The following CTNND2 variants were observed in gnomAD, a reference collection of about 807,000 sequenced individuals.
CTNND2 encodes catenin delta 2.
In CTNND2, 22 loss-of-function variants were observed where a neutral mutation model predicts 144.4. The ratio of observed to expected loss-of-function variants is 0.15; its 90% CI spans 0.11 to 0.22. The LOEUF (loss-of-function observed/expected upper bound fraction) is 0.22. Ranked by LOEUF, CTNND2 falls within the 10% of genes least tolerant of loss-of-function variation. CTNND2 has a pLI of 1.00. For synonymous variants in CTNND2, 751 were observed against 695.6 expected (o/e 1.08, Z -1.25); for missense variants, 1,353 against 1,618.8 (o/e 0.84, Z 2.82).
At chr5:11,676,052 C>T (rs1468666539) in intron 2 of CTNND2, among the ~76,000 whole-genome samples, 2 of 151,450 alleles carry the variant, frequency 1.3e-5, no homozygotes, top group South Asian at 2.1e-4. Flanking sequence ...CTGGGAGACA[C>T]CTCCCAGTAG....
At chr5:11,177,410 C>A (rs2149794411) in intron 11 of CTNND2, among the ~76,000 whole-genome samples, 1 of 152,130 alleles carries the variant, frequency 6.6e-6, no homozygotes, top group South Asian at 2.1e-4. Flanking sequence ...AGTCAGGACA[C>A]CCATTGTTCT....
intron 1 of CTNND2, among the ~76,000 whole-genome samples, chr5:11,878,521 A>G (rs1236650470): frequency 6.6e-6 from 1 of 152,204 alleles, no homozygotes; most frequent in Non-Finnish European, 1.5e-5. Context: ...GCAGTGTTCT[A>G]TACCCCAGAT....
At chr5:10,977,104 A>AT (rs1215776738) in intron 21 of CTNND2, among the ~76,000 whole-genome samples, 1 of 152,186 alleles carries the variant, frequency 6.6e-6, no homozygotes, top group African/African-American at 2.4e-5. Flanking sequence ...AGGTAAAAAA[A>AT]ATGGGACAGG....
chr5:11,242,315 G>A (rs1742535684), intron 9 of CTNND2, among the ~76,000 whole-genome samples: 2 of 152,086 alleles, frequency 1.3e-5, no homozygotes, highest in Admixed American at 1.3e-4. Flanking sequence ...GCAACTTAAG[G>A]TGTTATTGAA....
intron 9 of CTNND2, among the ~76,000 whole-genome samples, chr5:11,249,344 A>G (rs2149927712): frequency 1.3e-5 from 2 of 152,326 alleles, no homozygotes; most frequent in South Asian, 4.1e-4. Context: ...ACCATGGGAA[A>G]CCATGGGACA....
Position 11,866,299 on chromosome 5 carries a change from T to C in CTNND2, c.37+37518A>G, listed in dbSNP as rs955866016. ...GCCAGGATGATAACGCCAGACGTTG[T>C]CTCTAAAAAAACCTTTAAGAAAATG... is the stretch of plus-strand genomic sequence containing the variant. On this transcript the variant is annotated intron_variant, in intron 1 of 21. Coordinates refer to ENST00000304623, the MANE Select transcript of CTNND2 (RefSeq NM_001332.4). 2.6e-4 allele frequency among the ~76,000 whole-genome samples: 40 copies of C among 152,284 alleles called. No individual in the cohort carries two copies. The Middle Eastern group carries it at 0.01, about 39-fold the overall frequency.
intron 9 of CTNND2, among the ~76,000 whole-genome samples, chr5:11,337,963 T>C (rs901887661): frequency 1.3e-5 from 2 of 152,190 alleles, no homozygotes; most frequent in Non-Finnish European, 2.9e-5. Flanking sequence ...GGGGATATAG[T>C]GGACTTCAGG....
rs576784772 is a variant in CTNND2 at position 11,572,892 on chromosome 5, T to A, written c.175-7836A>T. On this transcript the variant is annotated intron_variant, in intron 2 of 21. Coordinates refer to ENST00000304623, the MANE Select transcript of CTNND2 (RefSeq NM_001332.4). ...TGGAGTCTGACTTAGTGACAATGTTTGCAATAATAGAGCAAAATAACCACT... is the reference window on the plus strand; with the variant it reads ...TGGAGTCTGACTTAGTGACAATGTTAGCAATAATAGAGCAAAATAACCACT... Among the ~76,000 whole-genome samples, 21 of 152,346 alleles carry A rather than the reference T, an allele frequency of 1.4e-4. No homozygotes were observed. In the South Asian group the frequency reaches 3.9e-3, roughly 29 times the overall value.
intron 3 of CTNND2, among the ~76,000 whole-genome samples, chr5:11,539,450 C>T (rs1005309370): frequency 3.9e-5 from 6 of 152,192 alleles, no homozygotes; most frequent in African/African-American, 1.2e-4. Context: ...TGGTGTCCAC[C>T]TAGCTACTTA....
intron 2 of CTNND2, among the ~76,000 whole-genome samples, chr5:11,641,794 GTACA>G (rs1174567104): frequency 1.4e-5 from 2 of 143,360 alleles, no homozygotes; most frequent in Non-Finnish European, 3.1e-5. Context: ...ACATACACGT[GTACA>G]TACACGTGTA....
intron 2 of CTNND2, among the ~76,000 whole-genome samples, chr5:11,572,758 C>A (rs1777665414): frequency 6.6e-6 from 1 of 152,118 alleles, no homozygotes; most frequent in South Asian, 2.1e-4. Flanking sequence ...TAGATGAGAC[C>A]TGGTTCTCAG....
Position 11,779,353 on chromosome 5 carries a change from T to G in CTNND2, c.38-47081A>C, listed in dbSNP as rs574315628. 7.2e-5 allele frequency among the ~76,000 whole-genome samples: 11 copies of G among 152,328 alleles called. No individual in the cohort carries two copies. The South Asian group carries it at 2.3e-3, about 32-fold the overall frequency. ...TGTCTTTCACACTTTATCCTCACAT[T>G]CCATTGGTTTAGTGCTATTTACCTG... On this transcript the variant is annotated intron_variant, in intron 1 of 21. Coordinates refer to ENST00000304623, the MANE Select transcript of CTNND2 (RefSeq NM_001332.4).
Position 11,590,923 on chromosome 5 carries a change from T to C in CTNND2, c.175-25867A>G, listed in dbSNP as rs368365077. Among the ~76,000 whole-genome samples the C allele has an allele frequency of 1.9e-4, 29 of 152,376 alleles. No individual in the cohort carries two copies. In the East Asian group the frequency reaches 2.9e-3, roughly 15 times the overall value. On this transcript the variant is annotated intron_variant, in intron 2 of 21. Transcript: ENST00000304623. ...CACTAAGCCTGCTCAGGTGGTCTCT[T>C]ATAGGGACACATTTAACACTTTTTA...
intron 3 of CTNND2, among the ~76,000 whole-genome samples, chr5:11,450,846 C>T (rs1007106096): frequency 1.5e-5 from 2 of 135,952 alleles, no homozygotes; most frequent in African/African-American, 2.7e-5. Flanking sequence ...TACAGTGAGC[C>T]GAGATTGCGC....
chr5:11,281,231 G>T (rs1351842454), intron 9 of CTNND2, among the ~76,000 whole-genome samples: 1 of 152,192 alleles, frequency 6.6e-6, no homozygotes, highest in Non-Finnish European at 1.5e-5. Flanking sequence ...AGAGGATAAG[G>T]TCACTGAGGG....
intron 9 of CTNND2, among the ~76,000 whole-genome samples, chr5:11,327,149 C>T (rs1050233439): frequency 2.0e-5 from 3 of 152,032 alleles, no homozygotes; most frequent in Admixed American, 6.6e-5. Context: ...AGAAGACAGC[C>T]GGGATGTGGC....
chr5:11,326,482 TG>T (rs1478464181), intron 9 of CTNND2, among the ~76,000 whole-genome samples: 2 of 152,164 alleles, frequency 1.3e-5, no homozygotes, highest in African/African-American at 4.8e-5. Flanking sequence ...CCCTCACCCC[TG>T]GGACACACCA....
chr5:11,689,373 CTT>C (rs1364869976), intron 2 of CTNND2, among the ~76,000 whole-genome samples: 4 of 152,168 alleles, frequency 2.6e-5, no homozygotes, highest in Non-Finnish European at 5.9e-5. Context: ...TAAAATCTCT[CTT>C]CTCTCCACAT....
rs760773848 is a variant in CTNND2 at position 11,346,615 on chromosome 5, G to A, written c.1385C>T (p.Pro462Leu). Residue 462 changes from proline to leucine, a missense_variant, in exon 9 of 22, where the codon CCT becomes CTT. Pro to Leu is a moderately conservative substitution (Grantham distance 98, BLOSUM62 -3). Coordinates refer to ENST00000304623, the MANE Select transcript of CTNND2 (RefSeq NM_001332.4). ...TYRTSTAPSSPGVDSVPLQRT... is the reference protein window; with the variant it reads ...TYRTSTAPSSLGVDSVPLQRT... ...CTGCAAGGGGACGGAGTCGACACCAGGGGAAGATGGGGCTACGACAGGAAA... is the reference window on the plus strand; with the variant it reads ...CTGCAAGGGGACGGAGTCGACACCAAGGGAAGATGGGGCTACGACAGGAAA... 5 of 1,512,228 alleles carry A rather than the reference G, an allele frequency of 3.3e-6. No homozygotes were observed. The highest frequency in any genetic ancestry group is 2.6e-5 in the South Asian group (2 of 77,410). The allele number at this position is 1,512,228 out of a possible 1,614,324, so 93.7% of individuals were successfully genotyped here.
Sources: allele counts gnomAD v4.1 joint callset (sites outside exome capture counted in the v4.1 genomes callset), GRCh38; gene constraint gnomAD v4.1.1; transcripts MANE v1.5; gene names NCBI Gene and HGNC (gene_info 2026-07-23, HGNC 2026-07-21).